MIA2: variants seen among roughly 807,000 people sequenced by gnomAD.
The protein encoded by MIA2 is MIA SH3 domain ER export factor 2.
In MIA2, 127 loss-of-function variants were observed where a neutral mutation model predicts 167.8. That is an observed-to-expected ratio of 0.76 (90% CI 0.66 to 0.88). The LOEUF is 0.88. Ranked by LOEUF, MIA2 falls within the 40% of genes least tolerant of loss-of-function variation. The probability of loss-of-function intolerance (pLI) is 0.00; values close to 1 mark genes in which losing one functional copy is unlikely to be tolerated. For missense variants in MIA2, 1,690 were observed against 1,624.7 expected, an observed-to-expected ratio of 1.04 and a Z score of -0.69; for synonymous variants, 552 against 541.9, an observed-to-expected ratio of 1.02 and a Z score of -0.26.
At position 39,279,352 on chromosome 14, in the gene MIA2, T is replaced by A; in HGVS notation, c.2035T>A (p.Tyr679Asn). 2 of 1,608,422 alleles carry A rather than the reference T, an allele frequency of 1.2e-6. No homozygotes were observed. The highest frequency in any genetic ancestry group is 1.7e-6 in the Non-Finnish European group (2 of 1,178,656). ...RSFRSVRSRL[Y>N]VGREKKLALM... ...TTTGTTTCAGGTTAGGAGTCGGCTT[T>A]ATGTGGGTAAGTTCTTTTTTCTGCT... is the stretch of plus-strand genomic sequence containing the variant. Residue 679 changes from tyrosine to asparagine, a missense_variant, in exon 8 of 29, where the codon TAT becomes AAT. Coordinates refer to ENST00000640607, the MANE Select transcript of MIA2 (RefSeq NM_001329214.4).
intron 28 of MIA2, among the ~76,000 whole-genome samples, chr14:39,349,217 A>C (rs2074027027): frequency 6.6e-6 from 1 of 152,216 alleles, no homozygotes; most frequent in Non-Finnish European, 1.5e-5. Context: ...TTTGGCAGTC[A>C]AGAAAATAAT....
At chr14:39,348,687 G>A in intron 27 of MIA2, 56 bp from the exon 28 acceptor site, 2 of 1,599,024 alleles carry the variant, frequency 1.3e-6, no homozygotes, top group South Asian at 1.1e-5. Context: ...GAGATTTTCG[G>A]GAAAATGATT....
intron 22 of MIA2, 57 bp downstream of exon 22, chr14:39,318,068 G>A (rs1191084476): frequency 9.4e-6 from 12 of 1,281,228 alleles, no homozygotes; most frequent in Non-Finnish European, 1.2e-5. Context: ...CGTTAATTAG[G>A]TAATACTTTT....
downstream of MIA2, among the ~76,000 whole-genome samples, chr14:39,352,199 C>CTTTTTTTTTTTTTTTTTTTTTTGTTT (rs11392444): frequency 7.5e-6 from 1 of 133,062 alleles, no homozygotes; most frequent in Non-Finnish European, 1.6e-5. Flanking sequence ...TTGTTTTTGG[C>CTTTTTTTTTTTTTTTTTTTTTTGTTT]TTTTTTTTTT....
At chr14:39,236,533 T>G (rs1479868640) in intron 1 of MIA2, among the ~76,000 whole-genome samples, 2 of 152,246 alleles carry the variant, frequency 1.3e-5, no homozygotes, top group Admixed American at 6.5e-5. Context: ...ATGAGAGCAC[T>G]TATCATAATG....
At chr14:39,266,545 A>T in intron 6 of MIA2, 1 of 985,480 alleles carries the variant, frequency 1.0e-6, no homozygotes. Flanking sequence ...AGGAAACCAG[A>T]TCGAGGTTCT....
Position 39,385,859 on chromosome 14 carries a change from G to C in MIA2, c.2249-1026G>C. 4.1e-6 allele frequency: 4 copies of C among 965,554 alleles called. No homozygotes were observed. The South Asian group carries it at 5.1e-5, about 12-fold the overall frequency. The allele number at this position is 965,554 out of a possible 1,614,324, so 59.8% of individuals were successfully genotyped here. A position where few individuals can be genotyped will look rare whatever the true frequency, so the allele number is the denominator to read the frequency against. On this transcript the variant is annotated intron_variant, in intron 23 of 23. Transcript: ENST00000341502. ...TGCCCTTGTCCTCGACCTCTCCCCC[G>C]CATGCCCCGTCCCCTAGCTCCCTTT...
chr14:39,304,066 A>G (rs2062938043), intron 16 of MIA2, among the ~76,000 whole-genome samples: 1 of 152,128 alleles, frequency 6.6e-6, no homozygotes, highest in South Asian at 2.1e-4. Flanking sequence ...AGCATTCACT[A>G]CTTTTCCCTG....
intron 23 of MIA2, among the ~76,000 whole-genome samples, chr14:39,377,204 C>T (rs1250541269): frequency 1.4e-5 from 2 of 147,962 alleles, no homozygotes; most frequent in Admixed American, 6.8e-5. Context: ...TGTGAAGTCT[C>T]ATGTCCTACA....
chr14:39,298,413 T>TTATATATGTATATA (rs1555375665), intron 13 of MIA2, among the ~76,000 whole-genome samples: 1 of 26,138 alleles, frequency 3.8e-5, no homozygotes, highest in African/African-American at 1.4e-4. Context: ...TGATTCTGTT[T>TTATATATGTATATA]TATATATATA....
At position 39,247,775 on chromosome 14, in the gene MIA2, A is replaced by G. The variant is rs142116917; in HGVS notation, c.1201A>G (p.Lys401Glu). ...AGATAAAATTATGTTAGATGACAGGAAAAATGAAGAAGATGGTGGGGCAGA... is the reference window on the plus strand; with the variant it reads ...AGATAAAATTATGTTAGATGACAGGGAAAATGAAGAAGATGGTGGGGCAGA... ...KEDKIMLDDR[K>E]NEEDGGADEH... Residue 401 changes from lysine to glutamate, a missense_variant, in exon 4 of 29, where the codon AAA becomes GAA. Coordinates refer to ENST00000640607, the MANE Select transcript of MIA2 (RefSeq NM_001329214.4). 7.4e-6 allele frequency: 12 copies of G among 1,613,330 alleles called. No homozygotes were observed. In the Admixed American group the frequency reaches 8.4e-5, roughly 11 times the overall value.
intron 9 of MIA2, 40 bp from the exon 10 acceptor site, chr14:39,290,979 A>C: frequency 3.3e-6 from 5 of 1,535,848 alleles, no homozygotes; most frequent in Non-Finnish European, 4.5e-6. Flanking sequence ...TTTAGAATAC[A>C]ATTGGTAGAG....
At chr14:39,304,577 CTG>C (rs1213162301) in intron 17 of MIA2, among the ~76,000 whole-genome samples, 196 bp downstream of exon 17, 2 of 151,968 alleles carry the variant, frequency 1.3e-5, no homozygotes, top group African/African-American at 4.8e-5. Context: ...TCGATTTCCT[CTG>C]TATTTATGTG....
At chr14:39,367,670 A>T (rs143112091) in intron 23 of MIA2, among the ~76,000 whole-genome samples, 4 of 152,068 alleles carry the variant, frequency 2.6e-5, no homozygotes, top group Non-Finnish European at 4.4e-5. Context: ...TCACTTCTCT[A>T]TTCCATTCCA....
downstream of MIA2, among the ~76,000 whole-genome samples, chr14:39,354,980 G>C (rs1452397932): frequency 6.6e-6 from 1 of 152,058 alleles, no homozygotes; most frequent in Non-Finnish European, 1.5e-5. Context: ...AGTATAGTTT[G>C]AAGTCAGGTA....
At chr14:39,267,507 G>C in intron 6 of MIA2, 1 of 1,613,676 alleles carries the variant, frequency 6.2e-7, no homozygotes. Flanking sequence ...GGCTGCTCCT[G>C]GAGGAGCTAC....
At chr14:39,361,525 G>A (rs986950777) in intron 23 of MIA2, among the ~76,000 whole-genome samples, 1 of 148,630 alleles carries the variant, frequency 6.7e-6, no homozygotes, top group African/African-American at 2.5e-5. Context: ...TGCAACTTCC[G>A]CCTCCCGGGT....
At chr14:39,360,229 G>A (rs2074650039) in intron 23 of MIA2, among the ~76,000 whole-genome samples, 1 of 152,128 alleles carries the variant, frequency 6.6e-6, no homozygotes, top group Non-Finnish European at 1.5e-5. Flanking sequence ...TTGAACCTGG[G>A]AGGCAGAGGT....
chr14:39,354,078 C>A (rs12891299), downstream of MIA2, among the ~76,000 whole-genome samples: 41,990 of 151,990 alleles, frequency 0.28, 7,003 homozygotes, highest in Non-Finnish European at 0.38. Context: ...GGGTATATAC[C>A]CAGTAATGGG....
Sources: allele counts gnomAD v4.1 joint callset (sites outside exome capture counted in the v4.1 genomes callset), GRCh38; gene constraint gnomAD v4.1.1; transcripts MANE v1.5; gene names NCBI Gene and HGNC (gene_info 2026-07-23, HGNC 2026-07-21).